ALG8: variants seen among roughly 807,000 people sequenced by gnomAD.
ALG8 encodes the protein ALG8 alpha-1,3-glucosyltransferase, also known as dolichyl pyrophosphate Glc1Man9GlcNAc2 alpha-1,3-glucosyltransferase.
ALG8 carries 48 observed loss-of-function variants against 70.2 expected under a neutral mutation model. The observed-to-expected ratio is 0.68, with a 90% CI of 0.54 to 0.87. ALG8 has a LOEUF of 0.87. Among genes scored for constraint, ALG8 ranks in the 40% least tolerant of loss-of-function variants. The pLI, the probability that ALG8 is intolerant of heterozygous loss-of-function variation, is 0.00. For synonymous variants in ALG8, 234 were observed against 229.0 expected (o/e 1.02, Z -0.20); for missense variants, 572 against 608.7 (o/e 0.94, Z 0.64).
intron 7 of ALG8, among the ~76,000 whole-genome samples, chr11:78,113,374 T>C (rs561615987): frequency 6.6e-6 from 1 of 152,040 alleles, no homozygotes; most frequent in East Asian, 1.9e-4. Context: ...TATACATGTA[T>C]ATATATATAC....
intron 5 of ALG8, among the ~76,000 whole-genome samples, chr11:78,117,520 C>T (rs1860629067): frequency 6.6e-6 from 1 of 151,762 alleles, no homozygotes. Context: ...TGTCTCTAAT[C>T]CTAGCACTTT....
At chr11:78,103,640 C>CA (rs1178441459) in intron 12 of ALG8, among the ~76,000 whole-genome samples, 2 of 151,984 alleles carry the variant, frequency 1.3e-5, no homozygotes, top group African/African-American at 4.8e-5. Flanking sequence ...AAAAAACGAA[C>CA]AAAAAAAATT....
chr11:78,123,919 A>G, intron 3 of ALG8, 102 bp downstream of exon 3: 1 of 1,288,820 alleles, frequency 7.8e-7, no homozygotes, highest in African/African-American at 1.5e-5. Context: ...ATTTGCTATC[A>G]TATAAACTTT....
chr11:78,126,971 T>C (rs572075821), intron 2 of ALG8, among the ~76,000 whole-genome samples: 33 of 147,276 alleles, frequency 2.2e-4, no homozygotes, highest in Middle Eastern at 3.5e-3. Context: ...ATTAGATCTA[T>C]GATTGCAAGA....
chr11:78,114,092 A>G, intron 6 of ALG8, 103 bp from the exon 7 acceptor site: 1 of 1,358,896 alleles, frequency 7.4e-7, no homozygotes, highest in Non-Finnish European at 1.0e-6. Context: ...ATAGTATACC[A>G]ATCTATTCAT....
chr11:78,130,751 T>C (rs1253569252), intron 1 of ALG8, among the ~76,000 whole-genome samples: 2 of 152,230 alleles, frequency 1.3e-5, no homozygotes, highest in South Asian at 2.1e-4. Flanking sequence ...TCATTAATTA[T>C]GCTGAGTATG....
intron 1 of ALG8, among the ~76,000 whole-genome samples, chr11:78,138,351 C>CA (rs11382468): frequency 0.27 from 36,763 of 134,434 alleles, 4,907 homozygotes; most frequent in African/African-American, 0.34. Context: ...GAGACTGTCT[C>CA]AAAAAAAAAA....
At chr11:78,104,272 G>T (rs866223594) in intron 11 of ALG8, 84 bp downstream of exon 11, 1 of 1,272,568 alleles carries the variant, frequency 7.9e-7, no homozygotes. Flanking sequence ...TTTTAGAGTT[G>T]TTTAAATTAG....
rs541543796 is a variant in ALG8 at position 78,114,430 on chromosome 11, A to T, written c.547-38T>A. On this transcript the variant is annotated intron_variant, in intron 5 of 12. Transcript: ENST00000299626. The stretch of plus-strand genomic sequence containing the variant: ...AAAGGGAAATATCACTTTAAAATTC[A>T]GGGTAAATGAAATGCAATAATGTGG... The T allele has an allele frequency of 2.5e-6, 4 of 1,609,564 alleles. No individual in the cohort carries two copies. In the African/African-American group the frequency reaches 5.3e-5, roughly 21 times the overall value.
chr11:78,117,369 A>G (rs1270692987), intron 5 of ALG8, among the ~76,000 whole-genome samples: 1 of 152,178 alleles, frequency 6.6e-6, no homozygotes, highest in Non-Finnish European at 1.5e-5. Context: ...AGGAGGAATA[A>G]TAATTCTAAC....
intron 1 of ALG8, among the ~76,000 whole-genome samples, chr11:78,138,226 G>A (rs981047134): frequency 1.3e-4 from 19 of 151,916 alleles, no homozygotes; most frequent in African/African-American, 4.6e-4. Flanking sequence ...GTGCAAGCCT[G>A]TAATCCCAGC....
At chr11:78,115,319 C>A (rs1022972467) in intron 5 of ALG8, among the ~76,000 whole-genome samples, 3 of 151,980 alleles carry the variant, frequency 2.0e-5, no homozygotes, top group African/African-American at 7.3e-5. Context: ...CAGGCGTGAA[C>A]CGCCATGCTT....
chr11:78,118,259 A>ATT (rs1428423207), intron 5 of ALG8, among the ~76,000 whole-genome samples: 3 of 152,112 alleles, frequency 2.0e-5, no homozygotes, highest in Admixed American at 2.0e-4. Flanking sequence ...TATCATAGTT[A>ATT]TTATATTGTA....
At chr11:78,107,949 A>G (rs1358142292) in intron 9 of ALG8, among the ~76,000 whole-genome samples, 1 of 151,742 alleles carries the variant, frequency 6.6e-6, no homozygotes, top group African/African-American at 2.4e-5. Context: ...GTTCAAGACC[A>G]GCCTGGCCAA....
chr11:78,131,257 A>C lies in ALG8; in HGVS notation c.96-3821T>G, dbSNP rs76904016. Among the ~76,000 whole-genome samples, 498 of 150,782 alleles carry C rather than the reference A, an allele frequency of 3.3e-3. 5 individuals carry two copies. The highest frequency in any genetic ancestry group is 0.012 in the African/African-American group (479 of 40,440). ...ACACTTGAAAAAAAAAGCAAAACTA[A>C]GACTAGAGACATAATGATAAATAGT... On this transcript the variant is annotated intron_variant, in intron 1 of 12. Coordinates refer to ENST00000299626, the MANE Select transcript of ALG8 (RefSeq NM_024079.5).
intron 8 of ALG8, among the ~76,000 whole-genome samples, chr11:78,110,312 C>T (rs905292167): frequency 1.3e-5 from 2 of 152,160 alleles, no homozygotes; most frequent in Admixed American, 6.5e-5. Context: ...CTGCCTCAGC[C>T]TCCCCATTAA....
chr11:78,109,457 T>A lies in ALG8; in HGVS notation c.1023A>T (p.Thr341=). 2 of 1,614,124 alleles carry A rather than the reference T, an allele frequency of 1.2e-6. No individual in the cohort carries two copies. The highest frequency in any genetic ancestry group is 1.7e-6 in the Non-Finnish European group (2 of 1,180,018). ...SVTPLATLIC[T]LIAILPSIFC... ...GAGTTCTTACCAATATGGCAATCAGTGTGCAGATGAGGGTTGCCAAGGGAG... is the reference window on the plus strand; with the variant it reads ...GAGTTCTTACCAATATGGCAATCAGAGTGCAGATGAGGGTTGCCAAGGGAG... The change falls in exon 9 of 13, where the codon ACA becomes ACT. Residue 341 remains threonine (T), a synonymous_variant. Coordinates refer to ENST00000299626, the MANE Select transcript of ALG8 (RefSeq NM_024079.5).
At chr11:78,118,157 C>G (rs900589793) in intron 5 of ALG8, among the ~76,000 whole-genome samples, 2 of 152,000 alleles carry the variant, frequency 1.3e-5, no homozygotes, top group Non-Finnish European at 2.9e-5. Flanking sequence ...TTGCATAGCT[C>G]ATTAACATTA....
At chr11:78,124,907 T>C (rs1860996060) in intron 2 of ALG8, among the ~76,000 whole-genome samples, 1 of 152,194 alleles carries the variant, frequency 6.6e-6, no homozygotes, top group Non-Finnish European at 1.5e-5. Context: ...GTGCCTGACA[T>C]ATTGCTTGGG....
Sources: gnomAD v4.1 joint callset for allele counts (sites outside exome capture counted in the v4.1 genomes callset) on GRCh38, gnomAD v4.1.1 for gene constraint, MANE v1.5 for transcripts, NCBI Gene and HGNC (gene_info 2026-07-23, HGNC 2026-07-21) for gene names.